Variants in KHDRBS2 observed in about 807,000 individuals in gnomAD.
The protein encoded by KHDRBS2 is KH RNA binding domain containing, signal transduction associated 2.
A neutral mutation model predicts 44.3 loss-of-function variants in KHDRBS2; 26 were observed. The observed-to-expected ratio is 0.59, with a 90% CI of 0.43 to 0.81. The LOEUF (loss-of-function observed/expected upper bound fraction) is 0.81, where lower values mean the gene tolerates loss of function less well. KHDRBS2 is among the 40% of genes least tolerant of loss of function. KHDRBS2 has a pLI of 0.00. For synonymous variants in KHDRBS2, 194 were observed against 151.1 expected (o/e 1.28, Z -2.08); for missense variants, 476 against 433.1 (o/e 1.10, Z -0.88).
the KHDRBS2 span, among the ~76,000 whole-genome samples, chr6:61,655,154 A>T: frequency 1.3e-5 from 2 of 151,578 alleles, no homozygotes; most frequent in African/African-American, 2.4e-5. Flanking sequence ...AAATCCCAGG[A>T]CTATCCTGTG....
intron 4 of KHDRBS2, among the ~76,000 whole-genome samples, chr6:61,908,280 G>A (rs898798333): frequency 1.3e-4 from 20 of 152,000 alleles, no homozygotes; most frequent in African/African-American, 4.8e-4. Context: ...TAAAGCTATG[G>A]CAATTTAGAA....
chr6:62,165,049 A>G (rs1375045623), intron 2 of KHDRBS2, among the ~76,000 whole-genome samples: 1 of 151,858 alleles, frequency 6.6e-6, no homozygotes, highest in African/African-American at 2.4e-5. Flanking sequence ...ATATTCATAT[A>G]CATTTAGAAT....
intron 6 of KHDRBS2, among the ~76,000 whole-genome samples, chr6:61,820,958 G>A (rs2127251498): frequency 6.6e-6 from 1 of 152,086 alleles, no homozygotes; most frequent in African/African-American, 2.4e-5. Context: ...CTACTCTAAT[G>A]GGGCTGACTA....
intron 8 of KHDRBS2, among the ~76,000 whole-genome samples, chr6:61,683,017 A>C (rs1327359449): frequency 6.6e-6 from 1 of 151,876 alleles, no homozygotes; most frequent in South Asian, 2.1e-4. Context: ...TTTTTAACAA[A>C]AAGAATGTAC....
intron 1 of KHDRBS2, among the ~76,000 whole-genome samples, chr6:62,244,253 T>C (rs933631016): frequency 6.6e-5 from 10 of 152,126 alleles, no homozygotes; most frequent in African/African-American, 2.4e-4. Context: ...TATTTCTGTA[T>C]TTTTCTATAC....
intron 3 of KHDRBS2, among the ~76,000 whole-genome samples, chr6:61,996,172 A>C (rs1232138340): frequency 2.0e-5 from 3 of 152,200 alleles, no homozygotes; most frequent in Non-Finnish European, 4.4e-5. Flanking sequence ...AAAATGTTTT[A>C]ATACTTTATA....
At chr6:61,658,783 G>T in the KHDRBS2 span, among the ~76,000 whole-genome samples, 22 of 151,830 alleles carry the variant, frequency 1.4e-4, 1 homozygote, top group East Asian at 1.9e-3. Context: ...TTATATTCTT[G>T]TATTCCCAAG....
At chr6:62,202,194 C>A (rs530242862) in intron 1 of KHDRBS2, among the ~76,000 whole-genome samples, 2 of 152,094 alleles carry the variant, frequency 1.3e-5, no homozygotes, top group East Asian at 3.9e-4. Flanking sequence ...ATACCATTCT[C>A]AAATATGTGT....
intron 2 of KHDRBS2, among the ~76,000 whole-genome samples, chr6:62,163,864 A>C (rs1562981561): frequency 6.6e-6 from 1 of 151,966 alleles, no homozygotes; most frequent in African/African-American, 2.4e-5. Context: ...AGTGTCTGAC[A>C]TATACAGGGT....
the KHDRBS2 span, among the ~76,000 whole-genome samples, chr6:61,645,015 C>A: frequency 6.6e-6 from 1 of 151,986 alleles, no homozygotes; most frequent in Admixed American, 6.6e-5. Flanking sequence ...CACATGCATG[C>A]CAACATTCTT....
intron 8 of KHDRBS2, among the ~76,000 whole-genome samples, chr6:61,689,341 T>C (rs1358348900): frequency 2.6e-5 from 4 of 151,940 alleles, no homozygotes; most frequent in African/African-American, 9.7e-5. Context: ...TTCTGAAAAA[T>C]TATTAAACTT....
chr6:61,584,159 A>G, the KHDRBS2 span, among the ~76,000 whole-genome samples: 2 of 151,820 alleles, frequency 1.3e-5, no homozygotes, highest in African/African-American at 4.8e-5. Context: ...CATGTCAAAG[A>G]TAAAGACAGT....
At chr6:61,991,422 G>C (rs1776119354) in intron 3 of KHDRBS2, among the ~76,000 whole-genome samples, 1 of 152,276 alleles carries the variant, frequency 6.6e-6, no homozygotes, top group African/African-American at 2.4e-5. Context: ...AAGGCTTAAT[G>C]AAGTCTGAGA....
intron 6 of KHDRBS2, among the ~76,000 whole-genome samples, chr6:61,761,692 C>T (rs72878813): frequency 0.14 from 20,942 of 152,148 alleles, 1,654 homozygotes; most frequent in Non-Finnish European, 0.19. Context: ...TAGAGAACTA[C>T]AGAATTTGAG....
intron 2 of KHDRBS2, among the ~76,000 whole-genome samples, chr6:62,133,347 T>C (rs1810787931): frequency 6.6e-6 from 1 of 152,194 alleles, no homozygotes; most frequent in South Asian, 2.1e-4. Flanking sequence ...GATAGTTTTA[T>C]AAGGGGAATC....
At chr6:62,242,029 A>C (rs1834763285) in intron 1 of KHDRBS2, among the ~76,000 whole-genome samples, 1 of 152,162 alleles carries the variant, frequency 6.6e-6, no homozygotes, top group South Asian at 2.1e-4. Context: ...GAAAACTTCT[A>C]CTTTGTAGTC....
intron 4 of KHDRBS2, among the ~76,000 whole-genome samples, chr6:61,970,252 G>A (rs1583868874): frequency 6.6e-6 from 1 of 151,738 alleles, no homozygotes; most frequent in East Asian, 1.9e-4. Flanking sequence ...ACTTGATTGG[G>A]TCATTTAAAG....
At chr6:61,776,813 G>A (rs568729765) in intron 6 of KHDRBS2, among the ~76,000 whole-genome samples, 116 of 151,942 alleles carry the variant, frequency 7.6e-4, no homozygotes, top group African/African-American at 2.5e-3. Context: ...ACTATAAATC[G>A]TGCTGCTATA....
chr6:61,776,545 C>T (rs1782042913), intron 6 of KHDRBS2, among the ~76,000 whole-genome samples: 1 of 152,156 alleles, frequency 6.6e-6, no homozygotes, highest in African/African-American at 2.4e-5. Flanking sequence ...AAATGCTCAC[C>T]ATCACTGGTC....
Sources: gnomAD v4.1 joint callset for allele counts (sites outside exome capture counted in the v4.1 genomes callset) on GRCh38, gnomAD v4.1.1 for gene constraint, MANE v1.5 for transcripts, NCBI Gene and HGNC (gene_info 2026-07-23, HGNC 2026-07-21) for gene names.